Variants in QSER1 observed in about 807,000 individuals in gnomAD.
QSER1 encodes the protein glutamine and serine-rich protein 1.
Under a neutral mutation model 158.5 loss-of-function variants are expected in QSER1, and 49 were observed. The ratio of observed to expected loss-of-function variants is 0.31; its 90% confidence interval spans 0.25 to 0.39. QSER1 has a LOEUF of 0.39. QSER1 is among the 10% of genes least tolerant of loss of function. The pLI, the probability that QSER1 is intolerant of heterozygous loss-of-function variation, is 1.00. For synonymous variants in QSER1, 650 were observed against 715.5 expected (o/e 0.91, Z 1.46); for missense variants, 1,754 against 2,010.3 (o/e 0.87, Z 2.44).
intron 1 of QSER1, among the ~76,000 whole-genome samples, chr11:32,911,444 T>C (rs1022838225): frequency 3.9e-5 from 6 of 152,168 alleles, no homozygotes; most frequent in African/African-American, 1.4e-4. Flanking sequence ...TACCAAGTTA[T>C]GAATGATTAC....
At chr11:32,952,839 T>C (rs1328188043) in intron 4 of QSER1, among the ~76,000 whole-genome samples, 8 of 151,144 alleles carry the variant, frequency 5.3e-5, no homozygotes, top group Non-Finnish European at 1.2e-4. Flanking sequence ...CAGAGTCTCT[T>C]TTGCCCACGC....
rs560480536 is a variant in QSER1 at position 32,927,501 on chromosome 11, G to A, written c.322+232G>A. ...TGGCTGACTGCAACCTCCACCTCCCGGGTTCAAGTGATTCTCCTGCTTCAG... is the reference window on the plus strand; with the variant it reads ...TGGCTGACTGCAACCTCCACCTCCCAGGTTCAAGTGATTCTCCTGCTTCAG... On this transcript the variant is annotated intron_variant, in intron 2 of 12. Coordinates refer to ENST00000650167, the MANE Select transcript of QSER1 (RefSeq NM_001076786.3). Among the ~76,000 whole-genome samples, 157 of 152,178 alleles carry A rather than the reference G, an allele frequency of 1.0e-3. 1 individual carries two copies. The highest frequency in any genetic ancestry group is 3.7e-3 in the African/African-American group (154 of 41,536).
intron 4 of QSER1, among the ~76,000 whole-genome samples, chr11:32,953,514 C>T (rs1439215859): frequency 1.3e-5 from 2 of 152,026 alleles, no homozygotes; most frequent in Non-Finnish European, 2.9e-5. Flanking sequence ...ACACTATGCT[C>T]GGCTAATTTT....
intron 7 of QSER1, among the ~76,000 whole-genome samples, chr11:32,956,564 G>A (rs960194755): frequency 2.6e-5 from 4 of 151,994 alleles, no homozygotes; most frequent in Non-Finnish European, 5.9e-5. Flanking sequence ...AATTATTATT[G>A]TGTATTAATG....
chr11:32,971,891 A>G (rs990785812), intron 10 of QSER1, among the ~76,000 whole-genome samples: 1 of 151,944 alleles, frequency 6.6e-6, no homozygotes, highest in Non-Finnish European at 1.5e-5. Context: ...GAGAAACCCC[A>G]TCTCTACTAA....
chr11:32,934,469 C>T lies in QSER1; in HGVS notation c.3211C>T (p.Leu1071Phe). 6.2e-7 allele frequency: 1 copy of T among 1,613,738 alleles called. No homozygotes were observed. Among genetic ancestry groups the T allele is most frequent in the Non-Finnish European group, 8.5e-7 (1 of 1,179,988 alleles). ...ACCTGCCCTTCAGTCAAAAATGACT[C>T]TTGATCAACAGCACATTGAAACACC... Reference protein sequence around the residue: ...PVPALQSKMTLDQQHIETPGQ... With the variant: ...PVPALQSKMTFDQQHIETPGQ... Residue 1071 changes from leucine to phenylalanine, a missense_variant, in exon 4 of 13, where the codon CTT becomes TTT. Leu to Phe is a conservative substitution (Grantham distance 22). This residue lies in a region of QSER1 where 1,707 missense variants were observed against 1,919.6 expected (regional missense o/e 0.89). Transcript: ENST00000650167.
At chr11:32,964,244 GTAT>G (rs1231936173) in intron 8 of QSER1, among the ~76,000 whole-genome samples, 1 of 151,216 alleles carries the variant, frequency 6.6e-6, no homozygotes, top group Non-Finnish European at 1.5e-5. Context: ...CAAAGTGCTG[GTAT>G]TATAGGTGTG....
Position 32,970,946 on chromosome 11 carries a change from C to CTTTTTTTT in QSER1, c.5205+1820_5205+1827dup, listed in dbSNP as rs776051259. Among the ~76,000 whole-genome samples, 89 of 76,898 alleles carry CTTTTTTTT rather than the reference C, an allele frequency of 1.2e-3. 1 individual carries two copies. Among genetic ancestry groups the CTTTTTTTT allele is most frequent in the East Asian group, 1.7e-3 (4 of 2,338 alleles). The allele number at this position is 76,898 out of a possible 152,430, so 50.4% of individuals were successfully genotyped here. A position where few individuals can be genotyped will look rare whatever the true frequency, so the allele number is the denominator to read the frequency against. On this transcript the variant is annotated intron_variant, in intron 10 of 12. Coordinates refer to ENST00000650167, the MANE Select transcript of QSER1 (RefSeq NM_001076786.3). ...GATAATTGTCATATAAAGCAATTTG[C>CTTTTTTTT]TTTTTTTTTTTTTTTTTTTTTTTTG...
chr11:32,910,403 G>C (rs916534951), intron 1 of QSER1, among the ~76,000 whole-genome samples: 5 of 152,088 alleles, frequency 3.3e-5, no homozygotes, highest in African/African-American at 1.2e-4. Flanking sequence ...CCAGTGCCTT[G>C]CTCATTGCCT....
At chr11:32,899,093 T>C (rs1380622191) in intron 1 of QSER1, among the ~76,000 whole-genome samples, 2 of 152,242 alleles carry the variant, frequency 1.3e-5, no homozygotes, top group East Asian at 3.8e-4. Flanking sequence ...CTTAGAAATA[T>C]ATACCTATGT....
chr11:32,910,347 C>CAACTA (rs1242012657), intron 1 of QSER1, among the ~76,000 whole-genome samples: 1 of 152,194 alleles, frequency 6.6e-6, no homozygotes, highest in Non-Finnish European at 1.5e-5. Context: ...CCCTGTCTCA[C>CAACTA]AACTAAACTG....
intron 1 of QSER1, among the ~76,000 whole-genome samples, chr11:32,908,228 G>A (rs1484020979): frequency 6.6e-6 from 1 of 152,150 alleles, no homozygotes; most frequent in Non-Finnish European, 1.5e-5. Flanking sequence ...AGAAAAAGAA[G>A]ATGATGAAAT....
chr11:32,934,569 G>C lies in QSER1; in HGVS notation c.3311G>C (p.Gly1104Ala), dbSNP rs1165926601. ...PSHEVQEQSSGPFKKQSATNL... is the reference protein window; with the variant it reads ...PSHEVQEQSSAPFKKQSATNL... ...CATGAAGTCCAGGAGCAAAGTTCTG[G>C]CCCATTCAAGAAACAGTCTGCTACC... is the stretch of plus-strand genomic sequence containing the variant. Residue 1104 changes from glycine (G) to alanine (A), a missense_variant, in exon 4 of 13, where the codon GGC (glycine) becomes GCC (alanine). Transcript: ENST00000650167. The C allele has an allele frequency of 6.2e-7, 1 of 1,613,362 alleles. No individual in the cohort carries two copies. The highest frequency in any genetic ancestry group is 8.5e-7 in the Non-Finnish European group (1 of 1,179,958).
At chr11:32,947,689 A>T (rs973657661) in intron 4 of QSER1, among the ~76,000 whole-genome samples, 1 of 147,030 alleles carries the variant, frequency 6.8e-6, no homozygotes, top group Non-Finnish European at 1.5e-5. Flanking sequence ...CTCTACCCTT[A>T]TTTGTTTTTA....
rs1414991894 is a variant in QSER1, at chr11:32,934,934, G to C, written c.3676G>C (p.Ala1226Pro). 1 of 1,613,982 alleles carries C rather than the reference G, an allele frequency of 6.2e-7. No homozygotes were observed. Among genetic ancestry groups the C allele is most frequent in the South Asian group, 1.1e-5 (1 of 91,056 alleles). Residue 1226 changes from alanine to proline, a missense_variant, in exon 4 of 13, where the codon GCC becomes CCC. By Grantham distance (27) the Ala-to-Pro change is conservative. Around this residue, in one of 2 missense-constraint regions of QSER1, gnomAD observed 1,707 missense variants for 1,919.6 expected, o/e 0.89. Transcript: ENST00000650167. ...NSNQKQLKRPAQGKRQNPRGT... is the reference protein window; with the variant it reads ...NSNQKQLKRPPQGKRQNPRGT... ...TAATCAGAAACAGCTGAAAAGACCT[G>C]CCCAAGGCAAACGCCAGAATCCAAG...
intron 1 of QSER1, among the ~76,000 whole-genome samples, chr11:32,902,303 G>A (rs1357712373): frequency 2.6e-5 from 4 of 152,182 alleles, no homozygotes; most frequent in Non-Finnish European, 4.4e-5. Flanking sequence ...TGGTACTTCA[G>A]AACCACCCAG....
chr11:32,928,261 A>G (rs1590729346), intron 3 of QSER1, 138 bp downstream of exon 3: 1 of 612,124 alleles, frequency 1.6e-6, no homozygotes, highest in East Asian at 2.8e-5. Context: ...GGAATTTTTC[A>G]AAATTTTCAG....
intron 4 of QSER1, among the ~76,000 whole-genome samples, chr11:32,939,614 A>G (rs1470809487): frequency 6.6e-6 from 1 of 152,188 alleles, no homozygotes; most frequent in Non-Finnish European, 1.5e-5. Flanking sequence ...GCAGGCAGTC[A>G]GAACATAAGT....
intron 1 of QSER1, among the ~76,000 whole-genome samples, chr11:32,907,969 A>C (rs1451698984): frequency 6.6e-6 from 1 of 152,114 alleles, no homozygotes. Flanking sequence ...GCATGGTGGC[A>C]TGCATCTGGA....
Sources: gnomAD v4.1 joint callset for allele counts (sites outside exome capture counted in the v4.1 genomes callset) on GRCh38, gnomAD v4.1.1 for gene constraint, gnomAD v4.1.1 regional missense constraint, MANE v1.5 for transcripts, NCBI Gene and HGNC (gene_info 2026-07-23, HGNC 2026-07-21) for gene names.